ZNF710: variants seen among roughly 807,000 people sequenced by gnomAD.
ZNF710 encodes the protein zinc finger protein 710.
A neutral mutation model predicts 50.6 loss-of-function variants in ZNF710; 13 were observed. The observed-to-expected ratio is 0.26, with a 90% CI of 0.17 to 0.41. The LOEUF (loss-of-function observed/expected upper bound fraction) is 0.41. Among genes scored for constraint, ZNF710 ranks in the 10% least tolerant of loss-of-function variants. ZNF710 has a pLI of 1.00. For synonymous variants in ZNF710, 383 were observed against 397.0 expected (o/e 0.96, Z 0.42); for missense variants, 721 against 936.6 (o/e 0.77, Z 3.01).
intron 1 of ZNF710, among the ~76,000 whole-genome samples, chr15:90,005,203 G>A (rs142974634): frequency 6.6e-6 from 1 of 152,226 alleles, no homozygotes; most frequent in East Asian, 1.9e-4. Flanking sequence ...ATCTATAGTG[G>A]GCCCTCAGTA....
intron 1 of ZNF710, among the ~76,000 whole-genome samples, chr15:90,042,951 A>G (rs968681304): frequency 6.6e-6 from 1 of 152,226 alleles, no homozygotes; most frequent in African/African-American, 2.4e-5. Flanking sequence ...CTCGTGAGTG[A>G]CATAGACCCA....
chr15:90,073,089 T>C lies in ZNF710; in HGVS notation c.1477T>C (p.Cys493Arg). The change falls in exon 3 of 5, where the codon TGC becomes CGC. Residue 493 changes from cysteine to arginine, a missense_variant. By Grantham distance (180) the Cys-to-Arg change is radical. Coordinates refer to ENST00000268154, the MANE Select transcript of ZNF710 (RefSeq NM_198526.4). ...LTHKGVKEFK[C>R]EVCGREFTLQ... is the part of the protein sequence containing the mutation. Reference sequence around the variant, plus strand: ...CCCACAGGGCGTGAAGGAGTTCAAGTGCGAGGTGTGTGGCCGGGAGTTCAC... The same window carrying C: ...CCCACAGGGCGTGAAGGAGTTCAAGCGCGAGGTGTGTGGCCGGGAGTTCAC... 6.2e-7 allele frequency: 1 copy of C among 1,613,930 alleles called. No individual in the cohort carries two copies. The highest frequency in any genetic ancestry group is 8.5e-7 in the Non-Finnish European group (1 of 1,179,974).
In ZNF710 at chr15:90,034,338, C is replaced by A. The variant is rs552575544; in HGVS notation, c.-29+32724C>A. On this transcript the variant is annotated intron_variant, in intron 1 of 4. Transcript: ENST00000268154. This position sits in a 1 kb window ranked among gnomAD's most constrained non-coding sequence, Gnocchi z 4.0. Reference sequence around the variant, plus strand: ...TCTGCACTCAGGAAAGGGAGGAATTCTTTGTGCTGTTTTGTCTATGTTATT... The same window carrying A: ...TCTGCACTCAGGAAAGGGAGGAATTATTTGTGCTGTTTTGTCTATGTTATT... Among the ~76,000 whole-genome samples, 29 of 151,952 alleles carry A rather than the reference C, an allele frequency of 1.9e-4. No individual in the cohort carries two copies. The highest frequency in any genetic ancestry group is 6.8e-4 in the African/African-American group (28 of 41,448).
intron 1 of ZNF710, among the ~76,000 whole-genome samples, chr15:90,060,535 T>C (rs2352052): frequency 0.13 from 19,706 of 148,668 alleles, 3,681 homozygotes; most frequent in African/African-American, 0.42. Context: ...GCCTGGACAA[T>C]AGAGGAAGGC....
intron 1 of ZNF710, among the ~76,000 whole-genome samples, chr15:90,005,328 T>A (rs1024130964): frequency 6.6e-6 from 1 of 152,178 alleles, no homozygotes; most frequent in African/African-American, 2.4e-5. Context: ...AGAGTTGTGC[T>A]GTGAGTCATT....
chr15:90,016,504 C>T (rs771170793), intron 1 of ZNF710, among the ~76,000 whole-genome samples: 5 of 152,126 alleles, frequency 3.3e-5, no homozygotes, highest in Admixed American at 2.6e-4. Context: ...TGCAGTGGTA[C>T]GATCATAGCT....
At chr15:90,056,537 G>A (rs765013750) in intron 1 of ZNF710, among the ~76,000 whole-genome samples, 21 of 152,140 alleles carry the variant, frequency 1.4e-4, no homozygotes, top group Non-Finnish European at 1.9e-4. Flanking sequence ...CAGCCCTGCC[G>A]GTGAAGATTC....
intron 4 of ZNF710, among the ~76,000 whole-genome samples, chr15:90,077,540 G>C (rs1406061016): frequency 6.6e-6 from 1 of 152,086 alleles, no homozygotes; most frequent in African/African-American, 2.4e-5. Flanking sequence ...CACTGCGCCT[G>C]GCCCCCAAGG....
rs781539775 is a variant in ZNF710 at position 90,080,065 on chromosome 15, G to A, written c.*236G>A. 1.7e-5 allele frequency: 7 copies of A among 424,226 alleles called. No homozygotes were observed. Among genetic ancestry groups the A allele is most frequent in the Admixed American group, 4.7e-5 (1 of 21,424 alleles). 26.3% of individuals were successfully genotyped at this position (424,226 alleles called of 1,614,324 possible). The stretch of plus-strand genomic sequence containing the variant: ...CATCCCAGCAAGGGAAGGAGAACAC[G>A]CGAGGCCCAGATCTGGGTCTCCCTG... On this transcript the variant is annotated 3_prime_UTR_variant, in exon 5 of 5. Coordinates refer to ENST00000268154, the MANE Select transcript of ZNF710 (RefSeq NM_198526.4).
rs117711777 is a variant in ZNF710, at chr15:90,079,704, G to T, written c.1870G>T (p.Gly624Cys). 6.8e-6 allele frequency: 11 copies of T among 1,613,912 alleles called. No individual in the cohort carries two copies. Among genetic ancestry groups the T allele is most frequent in the Non-Finnish European group, 9.3e-6 (11 of 1,179,930 alleles). The change falls in exon 5 of 5, where the codon GGC (glycine) becomes TGC (cysteine). Residue 624 changes from glycine (G) to cysteine (C), a missense_variant. This residue lies in a region of ZNF710 where 69 missense variants were observed against 67.6 expected (regional missense o/e 1.02). Coordinates refer to ENST00000268154, the MANE Select transcript of ZNF710 (RefSeq NM_198526.4). Reference sequence around the variant, plus strand: ...AGGCACTGACCCTTCAGAGCTCGACGGCCAGCAGGAGATGGAGGACTTCGA... The same window carrying T: ...AGGCACTGACCCTTCAGAGCTCGACTGCCAGCAGGAGATGGAGGACTTCGA... ...LTGTDPSELD[G>C]QQEMEDFEEN... is the part of the protein sequence containing the mutation.
chr15:90,073,652 T>TG (rs1295285964), intron 3 of ZNF710, among the ~76,000 whole-genome samples: 2 of 152,106 alleles, frequency 1.3e-5, no homozygotes, highest in Non-Finnish European at 2.9e-5. Flanking sequence ...CTCGGGTGTC[T>TG]GGGGTCACAT....
chr15:90,065,570 T>A (rs1040673068), intron 1 of ZNF710, among the ~76,000 whole-genome samples: 2 of 150,500 alleles, frequency 1.3e-5, no homozygotes, highest in Non-Finnish European at 1.5e-5. Context: ...GGAGCAGGGG[T>A]CAGCAGGGTT....
rs191409809 is a variant in ZNF710, at chr15:90,029,332, A to T, written c.-29+27718A>T. On this transcript the variant is annotated intron_variant, in intron 1 of 4. Coordinates refer to ENST00000268154, the MANE Select transcript of ZNF710 (RefSeq NM_198526.4). ...ACAGGGTGGTGAGCTCTCCTGGTCCAACCTAAAAGGTCCCAGCAAGGTGTA... is the reference window on the plus strand; with the variant it reads ...ACAGGGTGGTGAGCTCTCCTGGTCCTACCTAAAAGGTCCCAGCAAGGTGTA... 2.6e-5 allele frequency among the ~76,000 whole-genome samples: 4 copies of T among 152,346 alleles called. No individual in the cohort carries two copies. In the East Asian group the frequency reaches 7.7e-4, roughly 29 times the overall value.
At chr15:90,039,010 G>A (rs908215335) in intron 1 of ZNF710, among the ~76,000 whole-genome samples, 2 of 152,160 alleles carry the variant, frequency 1.3e-5, no homozygotes, top group Non-Finnish European at 2.9e-5. Context: ...CAGGTGAGGT[G>A]GCTCACGCCT....
intron 1 of ZNF710, among the ~76,000 whole-genome samples, chr15:90,024,652 G>A (rs1898722332): frequency 6.6e-6 from 1 of 152,200 alleles, no homozygotes; most frequent in Non-Finnish European, 1.5e-5. Context: ...TGGCTTCCTT[G>A]CCATGCCCCC....
rs746887836 is a variant in ZNF710, at chr15:90,068,260, G to A, written c.1123G>A (p.Glu375Lys). 1 of 1,613,308 alleles carries A rather than the reference G, an allele frequency of 6.2e-7. No individual in the cohort carries two copies. The highest frequency in any genetic ancestry group is 1.1e-5 in the South Asian group (1 of 91,082). The change falls in exon 2 of 5, where the codon GAG becomes AAG. Residue 375 changes from glutamate to lysine, a missense_variant. Glu to Lys is a moderately conservative substitution (Grantham distance 56). Around this residue, in one of 3 missense-constraint regions of ZNF710, gnomAD observed 326 missense variants for 522.0 expected, o/e 0.62. Coordinates refer to ENST00000268154, the MANE Select transcript of ZNF710 (RefSeq NM_198526.4). The surrounding 1 kb of genome is among the most constrained non-coding windows in gnomAD (Gnocchi z 5.0). Reference sequence around the variant, plus strand: ...CAAGCGCCACATGCTGCTGCACTCGGAGGTCAAGCCCTACAGCTGCCACTT... The same window carrying A: ...CAAGCGCCACATGCTGCTGCACTCGAAGGTCAAGCCCTACAGCTGCCACTT... ...HLKRHMLLHS[E>K]VKPYSCHFCG... is the part of the protein sequence containing the mutation.
rs1487329183 is a variant in ZNF710 at position 90,034,542 on chromosome 15, G to A, written c.-28-32568G>A. On this transcript the variant is annotated intron_variant, in intron 1 of 4. Transcript: ENST00000268154. This position sits in a 1 kb window ranked among gnomAD's most constrained non-coding sequence, Gnocchi z 4.0. Reference sequence around the variant, plus strand: ...GCAGGGTTGTCAGGAAACAACCATCGGTTTCCTGCTGATTAACTCAGTTCC... The same window carrying A: ...GCAGGGTTGTCAGGAAACAACCATCAGTTTCCTGCTGATTAACTCAGTTCC... Among the ~76,000 whole-genome samples, 10 of 150,452 alleles carry A rather than the reference G, an allele frequency of 6.6e-5. No homozygotes were observed. Among genetic ancestry groups the A allele is most frequent in the Middle Eastern group, 6.8e-3 (2 of 294 alleles).
intron 1 of ZNF710, among the ~76,000 whole-genome samples, chr15:90,032,453 T>C (rs1345152877): frequency 6.6e-6 from 1 of 152,074 alleles, no homozygotes; most frequent in Non-Finnish European, 1.5e-5. Context: ...ACTTGGAAAA[T>C]TAAATGGCCC....
chr15:90,067,477 G>T lies in ZNF710; in HGVS notation c.340G>T (p.Val114Leu). The change falls in exon 2 of 5, where the codon GTG (valine) becomes TTG (leucine). Residue 114 changes from valine (V) to leucine (L), a missense_variant. Physicochemically the swap from Val to Leu is conservative, Grantham distance 32. Transcript: ENST00000268154. This position sits in a 1 kb window ranked among gnomAD's most constrained non-coding sequence, Gnocchi z 8.1. ...RLVPKVKFEKVEEEEQEVYEV... is the reference protein window; with the variant it reads ...RLVPKVKFEKLEEEEQEVYEV... ...GGTGCCCAAGGTCAAGTTCGAGAAG[G>T]TGGAGGAGGAGGAACAGGAGGTCTA... The T allele has an allele frequency of 6.2e-7, 1 of 1,613,250 alleles. No individual in the cohort carries two copies. Among genetic ancestry groups the T allele is most frequent in the Non-Finnish European group, 8.5e-7 (1 of 1,179,586 alleles).
Sources: gnomAD v4.1 joint callset for allele counts (sites outside exome capture counted in the v4.1 genomes callset) on GRCh38, gnomAD v4.1.1 for gene constraint, gnomAD v4.1.1 regional missense constraint, Gnocchi (gnomAD v3.1) non-coding constraint, MANE v1.5 for transcripts, NCBI Gene and HGNC (gene_info 2026-07-23, HGNC 2026-07-21) for gene names.